Variants in B4GALT4 observed in about 807,000 individuals in gnomAD.
The protein encoded by B4GALT4 is N-acetyllactosamine synthase.
B4GALT4 carries 27 observed loss-of-function variants against 37.3 expected under a neutral mutation model. That is an observed-to-expected ratio of 0.72 (90% CI 0.53 to 1.00). B4GALT4 has a LOEUF of 1.00. Ranked by LOEUF, B4GALT4 falls within the 50% of genes least tolerant of loss-of-function variation. The pLI, the probability that B4GALT4 is intolerant of heterozygous loss-of-function variation, is 0.00. For missense variants in B4GALT4, 372 were observed against 413.1 expected (o/e 0.90, Z 0.86); for synonymous variants, 148 against 154.1 (o/e 0.96, Z 0.29).
intron 1 of B4GALT4, among the ~76,000 whole-genome samples, chr3:119,238,263 TAAAAAAA>T (rs35361911): frequency 9.2e-6 from 1 of 109,078 alleles, no homozygotes; most frequent in African/African-American, 3.7e-5. Flanking sequence ...ACCCTGTCTC[TAAAAAAA>T]AAAAAAAAAA....
chr3:119,240,269 C>T (rs1296477453), intron 1 of B4GALT4: 3 of 152,172 alleles, frequency 2.0e-5, no homozygotes, highest in Non-Finnish European at 4.4e-5. Context: ...AATTAACAGC[C>T]CTTATCTAAT....
chr3:119,228,716 A>G (rs1236169417), intron 3 of B4GALT4, among the ~76,000 whole-genome samples: 1 of 152,210 alleles, frequency 6.6e-6, no homozygotes, highest in Non-Finnish European at 1.5e-5. Flanking sequence ...TGTGTCCCCA[A>G]AAATTCATAT....
At chr3:119,215,133 G>A (rs1311401018) in intron 7 of B4GALT4, 2 of 152,250 alleles carry the variant, frequency 1.3e-5, no homozygotes, top group Non-Finnish European at 2.9e-5. Flanking sequence ...GTGTGTCTGT[G>A]AGGGTGTTGC....
intron 2 of B4GALT4, among the ~76,000 whole-genome samples, chr3:119,231,218 T>C (rs1346184087): frequency 6.6e-6 from 1 of 152,160 alleles, no homozygotes; most frequent in Non-Finnish European, 1.5e-5. Context: ...GGGGCTATGC[T>C]CTTAATTATT....
At chr3:119,231,869 GTA>G (rs1219717860) in intron 2 of B4GALT4, among the ~76,000 whole-genome samples, 3 of 145,728 alleles carry the variant, frequency 2.1e-5, no homozygotes, top group Non-Finnish European at 3.0e-5. Context: ...TTATATAAAT[GTA>G]TATATTTTTG....
intron 7 of B4GALT4, 138 bp from the exon 8 acceptor site, chr3:119,212,819 T>A: frequency 1.2e-6 from 1 of 868,630 alleles, no homozygotes; most frequent in Non-Finnish European, 1.7e-6. Context: ...ACAAAGTTTG[T>A]TTGCCCCATT....
intron 5 of B4GALT4, among the ~76,000 whole-genome samples, chr3:119,221,260 C>G (rs1027860878): frequency 2.6e-5 from 4 of 152,228 alleles, no homozygotes; most frequent in African/African-American, 9.6e-5. Context: ...AGAGCTTCAT[C>G]ACTGATCCCA....
At chr3:119,230,289 T>A in intron 2 of B4GALT4, 45 bp from the exon 3 acceptor site, 1 of 752,016 alleles carries the variant, frequency 1.3e-6, no homozygotes, top group Non-Finnish European at 2.1e-6. Context: ...ATGGAAATTC[T>A]ATCCTGAAGT....
At chr3:119,239,591 T>C (rs1279379393) in intron 1 of B4GALT4, among the ~76,000 whole-genome samples, 1 of 152,214 alleles carries the variant, frequency 6.6e-6, no homozygotes, top group African/African-American at 2.4e-5. Flanking sequence ...TTAAGTGGCA[T>C]ATAAACTACA....
rs1242027424 is a variant in B4GALT4, at chr3:119,230,219, T to C, written c.-120A>G. 3.8e-6 allele frequency: 5 copies of C among 1,311,234 alleles called. No individual in the cohort carries two copies. The highest frequency in any genetic ancestry group is 1.5e-5 in the African/African-American group (1 of 67,116). The allele number at this position is 1,311,234 out of a possible 1,614,324, so 81.2% of individuals were successfully genotyped here. The stretch of plus-strand genomic sequence containing the variant: ...ACAACTGAAGATACAATGCCTGGTT[T>C]TTCTCAGTAGTTCTGCTCCAACAGT... On this transcript the variant is annotated 5_prime_UTR_variant, in exon 3 of 8. Transcript: ENST00000393765.
At chr3:119,213,867 A>C (rs2078223840) in intron 7 of B4GALT4, 1 of 152,246 alleles carries the variant, frequency 6.6e-6, no homozygotes, top group Non-Finnish European at 1.5e-5. Context: ...AAATAGAAAT[A>C]GCTATTTTGT....
chr3:119,220,985 CAAA>C (rs371366842), intron 5 of B4GALT4, among the ~76,000 whole-genome samples: 7 of 108,240 alleles, frequency 6.5e-5, no homozygotes, highest in Admixed American at 9.8e-5. Flanking sequence ...GACTCTGTCT[CAAA>C]AAAAAAAAAA....
intron 4 of B4GALT4, 37 bp downstream of exon 4, chr3:119,226,772 G>A (rs755991271): frequency 1.9e-6 from 3 of 1,560,996 alleles, no homozygotes; most frequent in South Asian, 2.3e-5. Flanking sequence ...GAGAAGAGGA[G>A]GGTCGAGGGC....
rs759941186 is a variant in B4GALT4 at position 119,224,134 on chromosome 3, C to T, written c.598G>A (p.Glu200Lys). Residue 200 changes from glutamate (E) to lysine (K), a missense_variant, in exon 5 of 8, where the codon GAG becomes AAG. Glu to Lys is a moderately conservative substitution (Grantham distance 56). Coordinates refer to ENST00000393765, the MANE Select transcript of B4GALT4 (RefSeq NM_003778.4). ...CACTTGTAAAGGTTAAAGTCATTCT[C>T]GGGTACCAGGTCCACATCGTGGAAT... Reference protein sequence around the residue: ...FIFHDVDLVPENDFNLYKCEE... With the variant: ...FIFHDVDLVPKNDFNLYKCEE... 134 of 1,614,016 alleles carry T rather than the reference C, an allele frequency of 8.3e-5. 1 individual carries two copies. Among genetic ancestry groups the T allele is most frequent in the Non-Finnish European group, 1.1e-4 (130 of 1,180,022 alleles).
At chr3:119,231,688 T>A (rs2078822247) in intron 2 of B4GALT4, among the ~76,000 whole-genome samples, 1 of 148,394 alleles carries the variant, frequency 6.7e-6, no homozygotes, top group South Asian at 2.1e-4. Context: ...TCTCTTTTCT[T>A]TTTAGAATTT....
rs1440110792 is a variant in B4GALT4, at chr3:119,212,504, C to T, written c.*45G>A. ...TGAAGTCTCTAGGCCAAAATTATTGCAAACAAAGAATCAGTTCTTCCAAAC... is the reference window on the plus strand; with the variant it reads ...TGAAGTCTCTAGGCCAAAATTATTGTAAACAAAGAATCAGTTCTTCCAAAC... On this transcript the variant is annotated 3_prime_UTR_variant, in exon 8 of 8. Transcript: ENST00000393765. 6.5e-7 allele frequency: 1 copy of T among 1,541,546 alleles called. No homozygotes were observed. Among genetic ancestry groups the T allele is most frequent in the African/African-American group, 1.4e-5 (1 of 72,212 alleles).
At chr3:119,233,620 A>G (rs1238450770) in intron 2 of B4GALT4, among the ~76,000 whole-genome samples, 1 of 152,184 alleles carries the variant, frequency 6.6e-6, no homozygotes. Flanking sequence ...TAAAAAAACA[A>G]AAACAAAAAA....
At chr3:119,221,161 C>T (rs775549202) in intron 5 of B4GALT4, among the ~76,000 whole-genome samples, 5 of 152,108 alleles carry the variant, frequency 3.3e-5, no homozygotes, top group South Asian at 2.1e-4. Flanking sequence ...GTGGGGAAAA[C>T]GTAGTCATAA....
At chr3:119,237,401 CTGTT>C (rs2079016642) in intron 1 of B4GALT4, among the ~76,000 whole-genome samples, 1 of 152,198 alleles carries the variant, frequency 6.6e-6, no homozygotes, top group Admixed American at 6.5e-5. Context: ...TGTTTTGAGT[CTGTT>C]TGGCCATTTA....
Sources: gnomAD v4.1 joint callset for allele counts (sites outside exome capture counted in the v4.1 genomes callset) on GRCh38, gnomAD v4.1.1 for gene constraint, MANE v1.5 for transcripts, NCBI Gene and HGNC (gene_info 2026-07-23, HGNC 2026-07-21) for gene names.